ANKRA2: variants seen among roughly 807,000 people sequenced by gnomAD.
The protein encoded by ANKRA2 is ankyrin repeat family A member 2.
ANKRA2 carries 33 observed loss-of-function variants against 37.8 expected under a neutral mutation model. The ratio of observed to expected loss-of-function variants is 0.87; its 90% CI spans 0.66 to 1.17. ANKRA2 has a LOEUF of 1.17. Among genes scored for constraint, ANKRA2 ranks in the 50% most tolerant of loss-of-function variants. The pLI, the probability that ANKRA2 is intolerant of heterozygous loss-of-function variation, is 0.00. For synonymous variants in ANKRA2, 126 were observed against 132.3 expected, an observed-to-expected ratio of 0.95 and a Z score of 0.33; for missense variants, 326 against 373.7, an observed-to-expected ratio of 0.87 and a Z score of 1.05.
In ANKRA2 at chr5:73,561,161, A is replaced by G. The variant is rs1249746327; in HGVS notation, c.417T>C (p.Asn139=). The G allele has an allele frequency of 6.2e-7, 1 of 1,613,786 alleles. No individual in the cohort carries two copies. The highest frequency in any genetic ancestry group is 8.5e-7 in the Non-Finnish European group (1 of 1,179,946). ...STTLTNKHRG[N]EVSTTPLLAN... ...CTAACAGAGGTGTGGTAGAGACCTC[A>G]TTTCCTCTGTGTTTGTTGGTTAAAG... The change falls in exon 3 of 9, where the codon AAT becomes AAC. Residue 139 remains asparagine, a synonymous_variant. Transcript: ENST00000296785.
chr5:73,557,350 TA>T (rs1747425193), intron 4 of ANKRA2: 1 of 316,340 alleles, frequency 3.2e-6, no homozygotes, highest in Non-Finnish European at 5.8e-6. Flanking sequence ...GTAAGAAACT[TA>T]TAACGTTTGC....
At position 73,554,939 on chromosome 5, in the gene ANKRA2, C is replaced by T. The variant is rs372613816; in HGVS notation, c.660G>A (p.Ser220=). The change falls in exon 6 of 9, where the codon TCG becomes TCA. Residue 220 remains serine, a synonymous_variant. Transcript: ENST00000296785. ...LLGKGRESAL[S]LACSKGYTDI... ...CTGTGTAGCCTTTACTACAGGCCAACGACAGTGCACTTTCTCGACCTTTTC... is the reference window on the plus strand; with the variant it reads ...CTGTGTAGCCTTTACTACAGGCCAATGACAGTGCACTTTCTCGACCTTTTC... 4.6e-5 allele frequency: 74 copies of T among 1,613,634 alleles called. No homozygotes were observed. The highest frequency in any genetic ancestry group is 6.7e-5 in the East Asian group (3 of 44,870).
At chr5:73,559,425 C>T (rs188618704) in intron 3 of ANKRA2, among the ~76,000 whole-genome samples, 10 of 152,004 alleles carry the variant, frequency 6.6e-5, no homozygotes, top group African/African-American at 1.9e-4. Context: ...TACAATGATT[C>T]TACTTTAAAA....
At chr5:73,557,442 T>A in intron 4 of ANKRA2, 133 bp downstream of exon 4, 1 of 357,906 alleles carries the variant, frequency 2.8e-6, no homozygotes. Flanking sequence ...TTACTATCCA[T>A]TGGGTTATCT....
At chr5:73,562,432 T>C in intron 2 of ANKRA2, 161 bp downstream of exon 2, 1 of 603,016 alleles carries the variant, frequency 1.7e-6, no homozygotes, top group Non-Finnish European at 2.8e-6. Context: ...TATTATATAA[T>C]CTGAAATTAT....
intron 2 of ANKRA2, 101 bp from the exon 3 acceptor site, chr5:73,561,389 A>G (rs1747550540): frequency 1.5e-5 from 16 of 1,092,532 alleles, no homozygotes; most frequent in Non-Finnish European, 2.1e-5. Flanking sequence ...AATAGCTTCA[A>G]TTAAACTATT....
chr5:73,565,374 T>A lies in ANKRA2; in HGVS notation c.-347A>T, dbSNP rs143747861. 1.9e-5 allele frequency: 3 copies of A among 158,566 alleles called. No individual in the cohort carries two copies. 9.8% of individuals were successfully genotyped at this position (158,566 alleles called of 1,614,324 possible). On this transcript the variant is annotated 5_prime_UTR_variant, in exon 1 of 9. An upstream start codon of the reference 5' UTR is lost. Transcript: ENST00000296785. ...GCAGACAGCGAGTCGGGCCTTCCCA[T>A]CTGAGGCCAGCTTCAGTACAGGCCT...
intron 3 of ANKRA2, among the ~76,000 whole-genome samples, chr5:73,560,275 A>G (rs1481429453): frequency 6.6e-6 from 1 of 152,180 alleles, no homozygotes; most frequent in African/African-American, 2.4e-5. Flanking sequence ...TCACAAATCT[A>G]TCACCTCACA....
chr5:73,563,318 TTTAG>T (rs1747605938), intron 1 of ANKRA2, among the ~76,000 whole-genome samples: 1 of 152,228 alleles, frequency 6.6e-6, no homozygotes, highest in Non-Finnish European at 1.5e-5. Flanking sequence ...TCCAATACAT[TTTAG>T]TTACTGTTTC....
At chr5:73,560,661 C>G (rs1355422207) in intron 3 of ANKRA2, among the ~76,000 whole-genome samples, 6 of 152,210 alleles carry the variant, frequency 3.9e-5, no homozygotes, top group African/African-American at 1.4e-4. Context: ...GTTGGGATTA[C>G]AGGTGTGAGC....
In ANKRA2 at chr5:73,555,523, CGT is replaced by C; in HGVS notation, c.575_576del (p.His192ArgfsTer15). ...AGGAACTCTACCACAGCTATTTGCC[CGT>C]GTGCTGCAGCCCACATCAGAGGAGT... ...GFTPLMWAAA[H>X]GQIAVVEFLL... On this transcript the variant is annotated frameshift_variant, in exon 5 of 9. Transcript: ENST00000296785. LOFTEE classifies it high-confidence loss of function. The C allele has an allele frequency of 6.2e-7, 1 of 1,613,752 alleles. No homozygotes were observed. The highest frequency in any genetic ancestry group is 2.2e-5 in the East Asian group (1 of 44,880).
intron 4 of ANKRA2, 78 bp downstream of exon 4, chr5:73,557,497 T>A (rs2112013391): frequency 9.4e-7 from 1 of 1,059,560 alleles, no homozygotes; most frequent in East Asian, 2.9e-5. Flanking sequence ...TTTAGGACTT[T>A]CTTATATTAA....
Position 73,555,513 on chromosome 5 carries a change from G to A in ANKRA2, c.587C>T (p.Ala196Val). Residue 196 changes from alanine (A) to valine (V), a missense_variant, in exon 5 of 9, where the codon GCT becomes GTT. Ala to Val is a moderately conservative substitution (Grantham distance 64, BLOSUM62 0). Transcript: ENST00000296785. Reference sequence around the variant, plus strand: ...ATTCTGAAGTAGGAACTCTACCACAGCTATTTGCCCGTGTGCTGCAGCCCA... The same window carrying A: ...ATTCTGAAGTAGGAACTCTACCACAACTATTTGCCCGTGTGCTGCAGCCCA... Reference protein sequence around the residue: ...LMWAAAHGQIAVVEFLLQNGA... With the variant: ...LMWAAAHGQIVVVEFLLQNGA... 6.2e-7 allele frequency: 1 copy of A among 1,613,648 alleles called. No homozygotes were observed. The highest frequency in any genetic ancestry group is 1.1e-5 in the South Asian group (1 of 91,072).
At chr5:73,557,194 AT>A (rs1258655674) in intron 4 of ANKRA2, among the ~76,000 whole-genome samples, 1 of 151,708 alleles carries the variant, frequency 6.6e-6, no homozygotes, top group African/African-American at 2.4e-5. Context: ...ATACGTGCTT[AT>A]ATGGAAAGCT....
intron 2 of ANKRA2, 150 bp from the exon 3 acceptor site, chr5:73,561,438 A>C: frequency 3.9e-6 from 3 of 777,138 alleles, no homozygotes; most frequent in Non-Finnish European, 2.0e-6. Context: ...ATTAAAGTCC[A>C]TACTTCCTTG....
intron 5 of ANKRA2, 81 bp from the exon 6 acceptor site, chr5:73,555,067 T>G: frequency 3.2e-6 from 5 of 1,544,928 alleles, no homozygotes; most frequent in Non-Finnish European, 4.3e-6. Flanking sequence ...ATAATTATAG[T>G]TCAACACTAG....
intron 8 of ANKRA2, 24 bp downstream of exon 8, chr5:73,553,382 A>G (rs768301908): frequency 6.4e-7 from 1 of 1,558,562 alleles, no homozygotes; most frequent in Non-Finnish European, 8.8e-7. Context: ...CTAAGATGAG[A>G]CACAGGAGTT....
At chr5:73,558,275 C>T (rs1421292775) in intron 3 of ANKRA2, among the ~76,000 whole-genome samples, 1 of 151,994 alleles carries the variant, frequency 6.6e-6, no homozygotes, top group East Asian at 1.9e-4. Context: ...CACCATGCCT[C>T]AGCCTTTTTT....
chr5:73,563,165 GC>G (rs1337419203), intron 1 of ANKRA2, among the ~76,000 whole-genome samples, 180 bp from the exon 2 acceptor site: 1 of 152,184 alleles, frequency 6.6e-6, no homozygotes. Context: ...CCATTAATTA[GC>G]TGTGTGACCT....
Sources: gnomAD v4.1 joint callset for allele counts (sites outside exome capture counted in the v4.1 genomes callset) on GRCh38, gnomAD v4.1.1 for gene constraint, MANE v1.5 for transcripts, NCBI Gene and HGNC (gene_info 2026-07-23, HGNC 2026-07-21) for gene names.